Variants in IPO11 observed in about 807,000 individuals in gnomAD.
The protein encoded by IPO11 is importin 11, also known as importin-11.
Under a neutral mutation model 143.2 loss-of-function variants are expected in IPO11, and 66 were observed. The ratio of observed to expected loss-of-function variants is 0.46; its 90% CI spans 0.38 to 0.57. The LOEUF is 0.57. Among genes scored for constraint, IPO11 ranks in the 20% least tolerant of loss-of-function variants. The pLI is 0.00. For synonymous variants in IPO11, 385 were observed against 377.8 expected (o/e 1.02, Z -0.22); for missense variants, 1,026 against 1,141.0 (o/e 0.90, Z 1.45).
At chr5:62,437,822 GTTTTC>G (rs1744296088) in intron 2 of IPO11, among the ~76,000 whole-genome samples, 1 of 152,118 alleles carries the variant, frequency 6.6e-6, no homozygotes, top group African/African-American at 2.4e-5. Flanking sequence ...ACTTTAAAAT[GTTTTC>G]TTTTCTCATC....
chr5:62,435,152 GTATA>G, intron 1 of IPO11, among the ~76,000 whole-genome samples: 1 of 56,714 alleles, frequency 1.8e-5, no homozygotes, highest in Middle Eastern at 8.3e-3. Context: ...ATGTATATAT[GTATA>G]TATATGTATA....
chr5:62,414,074 C>T (rs867424398), intron 1 of IPO11, among the ~76,000 whole-genome samples: 1 of 152,194 alleles, frequency 6.6e-6, no homozygotes, highest in South Asian at 2.1e-4. Context: ...AGGGTGGTCT[C>T]CGCCCTAGTT....
In IPO11 at chr5:62,601,845, G is replaced by C. The variant is rs757815265; in HGVS notation, c.2760G>C (p.Lys920Asn). Reference protein sequence around the residue: ...EPPTEQDKRKKMLALKDPVHT... With the variant: ...EPPTEQDKRKNMLALKDPVHT... ...CCACAGAACAAGATAAGAGGAAAAA[G>C]ATGGTAAGTTATAAAAGTAGCTTGT... is the stretch of plus-strand genomic sequence containing the variant. The change falls in exon 29 of 30, where the codon AAG becomes AAC. Residue 920 changes from lysine to asparagine, a missense_variant. Coordinates refer to ENST00000325324, the MANE Select transcript of IPO11 (RefSeq NM_016338.5). The C allele has an allele frequency of 6.4e-7, 1 of 1,573,616 alleles. No individual in the cohort carries two copies. Among genetic ancestry groups the C allele is most frequent in the East Asian group, 2.3e-5 (1 of 43,996 alleles).
intron 6 of IPO11, among the ~76,000 whole-genome samples, 197 bp downstream of exon 6, chr5:62,467,460 TA>T (rs1561322896): frequency 5.3e-5 from 8 of 151,882 alleles, no homozygotes; most frequent in Non-Finnish European, 8.8e-5. Context: ...TGAAAGCACA[TA>T]TAATAAGTTG....
intron 29 of IPO11, among the ~76,000 whole-genome samples, chr5:62,609,324 C>T (rs902093783): frequency 6.6e-6 from 1 of 152,160 alleles, no homozygotes; most frequent in African/African-American, 2.4e-5. Context: ...TTGCCCTGTC[C>T]CTTGGGCCAT....
chr5:62,529,890 C>G lies in IPO11; in HGVS notation c.2013-819C>G, dbSNP rs901600540. 2.6e-5 allele frequency among the ~76,000 whole-genome samples: 4 copies of G among 152,126 alleles called. No homozygotes were observed. The East Asian group carries it at 7.7e-4, about 29-fold the overall frequency. The stretch of plus-strand genomic sequence containing the variant: ...AACCCACCGTGGATGTGTATTATGT[C>G]ATGGATTGTGGTCAGATTAGTTTGT... On this transcript the variant is annotated intron_variant, in intron 21 of 29. Transcript: ENST00000325324.
chr5:62,620,678 G>A (rs1746323559), intron 29 of IPO11, among the ~76,000 whole-genome samples: 1 of 152,310 alleles, frequency 6.6e-6, no homozygotes, highest in South Asian at 2.1e-4. Context: ...TGTCTGGGTT[G>A]TGGAGACCAA....
intron 2 of IPO11, 92 bp downstream of exon 2, chr5:62,437,509 G>T: frequency 9.0e-7 from 1 of 1,110,528 alleles, no homozygotes; most frequent in Non-Finnish European, 1.3e-6. Context: ...GTAGTTTAGT[G>T]AAATAGATTC....
rs1014899560 is a variant in IPO11 at position 62,483,201 on chromosome 5, G to A, written c.929G>A (p.Gly310Asp). 4.3e-6 allele frequency: 7 copies of A among 1,610,428 alleles called. No homozygotes were observed. The highest frequency in any genetic ancestry group is 5.9e-6 in the Non-Finnish European group (7 of 1,177,366). Reference protein sequence around the residue: ...VSYVFTEVGEGVTFERFIVQC... With the variant: ...VSYVFTEVGEDVTFERFIVQC... ...TATGTTTTTACAGAAGTTGGTGAAG[G>A]CGTTACATTTGAACGATTCATTGTC... is the stretch of plus-strand genomic sequence containing the variant. The change falls in exon 10 of 30, where the codon GGC becomes GAC. Residue 310 changes from glycine (G) to aspartate (D), a missense_variant. Gly to Asp is a moderately conservative substitution (Grantham distance 94). Coordinates refer to ENST00000325324, the MANE Select transcript of IPO11 (RefSeq NM_016338.5).
In IPO11 at chr5:62,452,458, A is replaced by G. The variant is rs200978870; in HGVS notation, c.516+525A>G. ...AAGGAGGTCAGTTTGAGGCAAAGGAAGTAGTTCGGATGAGATGATAGGTCT... is the reference window on the plus strand; with the variant it reads ...AAGGAGGTCAGTTTGAGGCAAAGGAGGTAGTTCGGATGAGATGATAGGTCT... On this transcript the variant is annotated intron_variant, in intron 5 of 29. Coordinates refer to ENST00000325324, the MANE Select transcript of IPO11 (RefSeq NM_016338.5). 6.0e-5 allele frequency among the ~76,000 whole-genome samples: 9 copies of G among 150,988 alleles called. No individual in the cohort carries two copies. The East Asian group carries it at 1.5e-3, about 26-fold the overall frequency.
intron 20 of IPO11, 49 bp from the exon 21 acceptor site, chr5:62,526,093 A>G (rs373080285): frequency 1.7e-6 from 2 of 1,205,738 alleles, no homozygotes; most frequent in Non-Finnish European, 2.4e-6. Flanking sequence ...TTGGTGCGGG[A>G]TGGGACATTA....
At chr5:62,557,190 C>CT (rs917694756) in intron 26 of IPO11, among the ~76,000 whole-genome samples, 121 of 148,810 alleles carry the variant, frequency 8.1e-4, no homozygotes, top group Admixed American at 3.0e-3. Flanking sequence ...GTCATGAGCT[C>CT]TTTTTTTTTT....
intron 1 of IPO11, among the ~76,000 whole-genome samples, chr5:62,435,146 A>ATG (rs1561308938): frequency 5.2e-5 from 5 of 95,840 alleles, no homozygotes; most frequent in African/African-American, 4.5e-5. Flanking sequence ...GTATATATGT[A>ATG]TATATGTATA....
intron 26 of IPO11, among the ~76,000 whole-genome samples, chr5:62,552,249 G>A (rs547495848): frequency 6.6e-6 from 1 of 152,182 alleles, no homozygotes; most frequent in Non-Finnish European, 1.5e-5. Context: ...ATCTACAATG[G>A]AGACAATTTT....
intron 26 of IPO11, among the ~76,000 whole-genome samples, chr5:62,556,768 C>T (rs1356954751): frequency 6.6e-6 from 1 of 151,950 alleles, no homozygotes; most frequent in Non-Finnish European, 1.5e-5. Flanking sequence ...CCAAAACAAC[C>T]TACTTTTTAT....
intron 4 of IPO11, among the ~76,000 whole-genome samples, chr5:62,450,566 A>G (rs73105928): frequency 5.3e-5 from 8 of 152,054 alleles, no homozygotes; most frequent in Non-Finnish European, 1.0e-4. Context: ...CTCAGAACAT[A>G]TCTCTGTTGT....
intron 5 of IPO11, among the ~76,000 whole-genome samples, chr5:62,459,655 GTTC>G (rs1262612300): frequency 2.0e-5 from 3 of 151,962 alleles, no homozygotes; most frequent in Admixed American, 1.3e-4. Flanking sequence ...GGTTCAAGCA[GTTC>G]TTCTGCCTCA....
Position 62,602,272 on chromosome 5 carries a change from A to G in IPO11, c.2763+424A>G, listed in dbSNP as rs557792944. On this transcript the variant is annotated intron_variant, in intron 29 of 29. Coordinates refer to ENST00000325324, the MANE Select transcript of IPO11 (RefSeq NM_016338.5). ...AAAAATGCCCTTAAGTTAACCACTA[A>G]CTTGTTGTAAAAACCACTAATTCTC... is the stretch of plus-strand genomic sequence containing the variant. Among the ~76,000 whole-genome samples the G allele has an allele frequency of 9.2e-5, 14 of 152,278 alleles. No homozygotes were observed. The East Asian group carries it at 2.7e-3, about 29-fold the overall frequency.
intron 27 of IPO11, among the ~76,000 whole-genome samples, chr5:62,564,638 G>A (rs1743874865): frequency 6.6e-6 from 1 of 151,878 alleles, no homozygotes; most frequent in South Asian, 2.1e-4. Flanking sequence ...ACCATCCTTG[G>A]CCACTACCTA....
Sources: allele counts gnomAD v4.1 joint callset (sites outside exome capture counted in the v4.1 genomes callset), GRCh38; gene constraint gnomAD v4.1.1; transcripts MANE v1.5; gene names NCBI Gene and HGNC (gene_info 2026-07-23, HGNC 2026-07-21).